THUMPD2: variants seen among roughly 807,000 people sequenced by gnomAD.
THUMPD2 encodes U6 snRNA (guanine-N(2))-methyltransferase THUMPD2.
Under a neutral mutation model 49.4 loss-of-function variants are expected in THUMPD2, and 56 were observed. That is an observed-to-expected ratio of 1.13 (90% CI 0.91 to 1.41). The LOEUF is 1.41. Ranked by LOEUF, THUMPD2 falls within the 40% of genes most tolerant of loss-of-function variation. THUMPD2 has a pLI of 0.00. For missense variants in THUMPD2, 709 were observed against 594.5 expected (o/e 1.19, Z -2.00); for synonymous variants, 237 against 205.2 (o/e 1.15, Z -1.32).
At position 39,766,079 on chromosome 2, in the gene THUMPD2, C is replaced by A; in HGVS notation, c.781G>T (p.Val261Leu). 1 of 1,586,598 alleles carries A rather than the reference C, an allele frequency of 6.3e-7. No individual in the cohort carries two copies. Among genetic ancestry groups the A allele is most frequent in the East Asian group, 2.4e-5 (1 of 42,530 alleles). Residue 261 changes from valine (V) to leucine (L), a missense_variant, in exon 5 of 10, where the codon GTG (valine) becomes TTG (leucine). By Grantham distance (32) the Val-to-Leu change is conservative. Transcript: ENST00000505747. ...TACCTGAACACAGGAATCCCCACCA[C>A]AGAGTAAATGTCATTTAGATGTATA... is the stretch of plus-strand genomic sequence containing the variant. The part of the protein sequence containing the change: ...IFIHLNDIYS[V>L]VGIPVFRVSL...
rs1340763506 is a variant in THUMPD2 at position 39,738,602 on chromosome 2, A to AAT, written c.1188-1545_1188-1544dup. On this transcript the variant is annotated intron_variant, in intron 9 of 9. Transcript: ENST00000505747. The stretch of plus-strand genomic sequence containing the variant: ...TTTTTTACACACATACATATGTAAA[A>AAT]ATATATATATAATATATATTATATA... Among the ~76,000 whole-genome samples the AAT allele has an allele frequency of 3.0e-3, 405 of 134,984 alleles. 1 individual carries two copies. Among genetic ancestry groups the AAT allele is most frequent in the Admixed American group, 5.1e-3 (71 of 13,848 alleles). The allele number at this position is 134,984 out of a possible 152,430, so 88.6% of individuals were successfully genotyped here. A position where few individuals can be genotyped will look rare whatever the true frequency, so the allele number is the denominator to read the frequency against.
Position 39,761,357 on chromosome 2 carries a change from C to T in THUMPD2, c.865G>A (p.Ala289Thr), listed in dbSNP as rs1676801978. Reference sequence around the variant, plus strand: ...TTAATGTCAGCCAGAGATGCCATTGCCCACGCTATTGTAGATCGCAGTCCA... The same window carrying T: ...TTAATGTCAGCCAGAGATGCCATTGTCCACGCTATTGTAGATCGCAGTCCA... ...TAGLRSTIAW[A>T]MASLADIKAG... The change falls in exon 6 of 10, where the codon GCA becomes ACA. Residue 289 changes from alanine to threonine, a missense_variant. By Grantham distance (58) the Ala-to-Thr change is moderately conservative. Transcript: ENST00000505747. 1.2e-6 allele frequency: 2 copies of T among 1,613,702 alleles called. No individual in the cohort carries two copies. The highest frequency in any genetic ancestry group is 8.5e-7 in the Non-Finnish European group (1 of 1,179,714).
In THUMPD2 at chr2:39,753,720, T is replaced by A. The variant is rs531331734; in HGVS notation, c.1078+1575A>T. Among the ~76,000 whole-genome samples, 7 of 152,302 alleles carry A rather than the reference T, an allele frequency of 4.6e-5. No homozygotes were observed. The East Asian group carries it at 1.2e-3, about 25-fold the overall frequency. On this transcript the variant is annotated intron_variant, in intron 8 of 9. Transcript: ENST00000505747. ...TCTCTCTCTCATAGTCCACATCCAA[T>A]CTGACAACAAATTCTGTTGGCTCTG... is the stretch of plus-strand genomic sequence containing the variant.
At chr2:39,769,580 T>G in intron 3 of THUMPD2, 130 bp downstream of exon 3, 4 of 886,086 alleles carry the variant, frequency 4.5e-6, no homozygotes, top group Non-Finnish European at 6.5e-6. Flanking sequence ...CGCACACCTG[T>G]GATCCCAGCT....
At chr2:39,755,862 C>A in intron 7 of THUMPD2, 27 bp downstream of exon 7, 1 of 1,604,826 alleles carries the variant, frequency 6.2e-7, no homozygotes, top group Non-Finnish European at 8.5e-7. Flanking sequence ...AGATAAATTG[C>A]TTGCTTTACC....
intron 5 of THUMPD2, among the ~76,000 whole-genome samples, chr2:39,765,616 C>T (rs1454684730): frequency 6.6e-6 from 1 of 151,894 alleles, no homozygotes; most frequent in Non-Finnish European, 1.5e-5. Context: ...AATAATTATA[C>T]TTAATATAAT....
intron 2 of THUMPD2, among the ~76,000 whole-genome samples, chr2:39,770,850 T>C (rs570443558): frequency 1.3e-5 from 2 of 152,250 alleles, no homozygotes; most frequent in East Asian, 3.9e-4. Context: ...AAATAGTTTA[T>C]TATAGGCTAT....
intron 1 of THUMPD2, among the ~76,000 whole-genome samples, chr2:39,772,439 A>G (rs1678460438): frequency 6.6e-6 from 1 of 152,186 alleles, no homozygotes; most frequent in South Asian, 2.1e-4. Context: ...GTAGAATGTG[A>G]TGCTAGAGGG....
intron 1 of THUMPD2, among the ~76,000 whole-genome samples, chr2:39,776,336 C>T (rs1268471465): frequency 1.3e-5 from 2 of 151,320 alleles, no homozygotes; most frequent in Non-Finnish European, 2.9e-5. Flanking sequence ...TTCCAACTTA[C>T]AGGAAATACA....
Position 39,770,003 on chromosome 2 carries a change from G to C in THUMPD2, c.379C>G (p.Gln127Glu), listed in dbSNP as rs1572871293. ...ELDAKKEKLS[Q>E]RDDNQLKRKV... ...CTTTTTAGTTGGTTATCATCTCTCTGAGAAAGTTTTTCCTTTTTTGCATCA... is the reference window on the plus strand; with the variant it reads ...CTTTTTAGTTGGTTATCATCTCTCTCAGAAAGTTTTTCCTTTTTTGCATCA... Residue 127 changes from glutamine (Q) to glutamate (E), a missense_variant, in exon 3 of 10, where the codon CAG becomes GAG. Gln to Glu is a conservative substitution (Grantham distance 29). Transcript: ENST00000505747. 1 of 1,573,370 alleles carries C rather than the reference G, an allele frequency of 6.4e-7. No homozygotes were observed. Among genetic ancestry groups the C allele is most frequent in the East Asian group, 2.3e-5 (1 of 43,352 alleles).
chr2:39,765,439 T>C (rs1677387479), intron 5 of THUMPD2, among the ~76,000 whole-genome samples: 1 of 152,152 alleles, frequency 6.6e-6, no homozygotes, highest in Non-Finnish European at 1.5e-5. Flanking sequence ...ATTACAGGTG[T>C]GAGCCACCGC....
intron 8 of THUMPD2, among the ~76,000 whole-genome samples, chr2:39,753,673 C>A (rs2148249686): frequency 6.6e-6 from 1 of 152,322 alleles, no homozygotes; most frequent in Middle Eastern, 3.4e-3. Flanking sequence ...TCTAGCTGCT[C>A]AAGCCAGAAA....
intron 8 of THUMPD2, 60 bp downstream of exon 8, chr2:39,755,235 G>T (rs1675949087): frequency 1.7e-6 from 2 of 1,155,892 alleles, no homozygotes; most frequent in Non-Finnish European, 2.4e-6. Flanking sequence ...TTTATATTAT[G>T]ATTCTAAATA....
In THUMPD2 at chr2:39,770,035, A is replaced by C; in HGVS notation, c.347T>G (p.Leu116Arg). The C allele has an allele frequency of 5.7e-6, 9 of 1,574,982 alleles. No individual in the cohort carries two copies. Among genetic ancestry groups the C allele is most frequent in the Non-Finnish European group, 7.7e-6 (9 of 1,169,748 alleles). Residue 116 changes from leucine (L) to arginine (R), a missense_variant, in exon 3 of 10, where the codon CTT becomes CGT. By Grantham distance (102) the Leu-to-Arg change is moderately radical. Transcript: ENST00000505747. ...TTTTTCCTTTTTTGCATCAAGTTCAAGAAGATTTTTCCAAATTGAAATGGC... is the reference window on the plus strand; with the variant it reads ...TTTTTCCTTTTTTGCATCAAGTTCACGAAGATTTTTCCAAATTGAAATGGC... ...LNAISIWKNL[L>R]ELDAKKEKLS... is the part of the protein sequence containing the mutation.
chr2:39,739,015 T>A (rs1486975672), intron 9 of THUMPD2, among the ~76,000 whole-genome samples: 1 of 152,192 alleles, frequency 6.6e-6, no homozygotes, highest in Non-Finnish European at 1.5e-5. Flanking sequence ...GCTAGACAAT[T>A]CTGTCTCTAA....
At chr2:39,749,485 G>C (rs1203774701) in intron 8 of THUMPD2, among the ~76,000 whole-genome samples, 1 of 152,316 alleles carries the variant, frequency 6.6e-6, no homozygotes, top group African/African-American at 2.4e-5. Context: ...ATAGCCATTT[G>C]ATCTAAAGGG....
At chr2:39,767,652 T>C (rs1262133883) in intron 4 of THUMPD2, among the ~76,000 whole-genome samples, 1 of 145,882 alleles carries the variant, frequency 6.9e-6, no homozygotes, top group East Asian at 2.0e-4. Context: ...AAGAGAATGA[T>C]ACTCGTATGT....
rs748961323 is a variant in THUMPD2 at position 39,769,882 on chromosome 2, A to G, written c.500T>C (p.Ile167Thr). 3 of 1,598,746 alleles carry G rather than the reference A, an allele frequency of 1.9e-6. No homozygotes were observed. Among genetic ancestry groups the G allele is most frequent in the Admixed American group, 3.6e-5 (2 of 56,226 alleles). Residue 167 changes from isoleucine to threonine, a missense_variant, in exon 3 of 10, where the codon ATA (isoleucine) becomes ACA (threonine). Coordinates refer to ENST00000505747, the MANE Select transcript of THUMPD2 (RefSeq NM_025264.5). ...TCTTTGCTCCAGAGTTTCTTCTTTT[A>G]TTTGTTTTTCCAGCTGGCAGTCCCT... The part of the protein sequence containing the change: ...ENRDCQLEKQ[I>T]KEETLEQRDF...
intron 8 of THUMPD2, among the ~76,000 whole-genome samples, chr2:39,747,796 T>C (rs544738950): frequency 8.5e-4 from 130 of 152,292 alleles, no homozygotes; most frequent in African/African-American, 2.9e-3. Flanking sequence ...AGTCCCTCCA[T>C]TGACAGTGCC....
Sources: gnomAD v4.1 joint callset for allele counts (sites outside exome capture counted in the v4.1 genomes callset) on GRCh38, gnomAD v4.1.1 for gene constraint, MANE v1.5 for transcripts, NCBI Gene and HGNC (gene_info 2026-07-23, HGNC 2026-07-21) for gene names.